The following FAM240B variants were observed in gnomAD, a reference collection of about 807,000 sequenced individuals.
FAM240B encodes the protein family with sequence similarity 240 member B.
At chr9:38,714,283 C>T (rs1821287047) in intron 1 of FAM240B, among the ~76,000 whole-genome samples, 1 of 152,020 alleles carries the variant, frequency 6.6e-6, no homozygotes, top group Admixed American at 6.6e-5. Context: ...ATGAGAACAC[C>T]ACAGTAATAA....
At chr9:38,715,578 G>A (rs1270161904) in intron 1 of FAM240B, among the ~76,000 whole-genome samples, 3 of 152,082 alleles carry the variant, frequency 2.0e-5, no homozygotes, top group Non-Finnish European at 4.4e-5. Flanking sequence ...ATTGCCCATG[G>A]GGCATGGTCC....
intron 1 of FAM240B, among the ~76,000 whole-genome samples, chr9:38,712,205 C>T (rs1821263733): frequency 6.6e-6 from 1 of 152,102 alleles, no homozygotes; most frequent in South Asian, 2.1e-4. Context: ...ATAACTCAGC[C>T]CTGTTATTCC....
chr9:38,713,000 A>C (rs933126168), intron 1 of FAM240B, among the ~76,000 whole-genome samples: 2 of 152,164 alleles, frequency 1.3e-5, no homozygotes, highest in Non-Finnish European at 2.9e-5. Flanking sequence ...TTATTCTAAG[A>C]TGCTCTGCAA....
intron 1 of FAM240B, among the ~76,000 whole-genome samples, chr9:38,713,505 A>AAT (rs71365909): frequency 6.6e-6 from 1 of 150,536 alleles, no homozygotes; most frequent in Non-Finnish European, 1.5e-5. Flanking sequence ...AAAAAAAAAA[A>AAT]GAACTAGATT....
intron 2 of FAM240B, among the ~76,000 whole-genome samples, chr9:38,698,928 G>A (rs935762907): frequency 6.6e-6 from 1 of 152,164 alleles, no homozygotes; most frequent in Non-Finnish European, 1.5e-5. Context: ...GGGGTTCTCA[G>A]TAAACCGGTG....
chr9:38,699,582 A>G (rs1821100982), intron 2 of FAM240B, among the ~76,000 whole-genome samples: 1 of 152,154 alleles, frequency 6.6e-6, no homozygotes, highest in Admixed American at 6.5e-5. Context: ...CCCACAGGGG[A>G]GCCATGTCAT....
At chr9:38,712,581 C>A (rs994544741) in intron 1 of FAM240B, among the ~76,000 whole-genome samples, 1 of 152,112 alleles carries the variant, frequency 6.6e-6, no homozygotes, top group Non-Finnish European at 1.5e-5. Flanking sequence ...AGCTCCAGAG[C>A]TAATGATGGG....
Position 38,694,878 on chromosome 9 carries a change from G to A in FAM240B, c.144-9C>T, listed in dbSNP as rs918928470. On this transcript the variant is annotated splice_polypyrimidine_tract_variant and intron_variant, in intron 2 of 2. Coordinates refer to ENST00000637493, the MANE Select transcript of FAM240B (RefSeq NM_001394922.1). ...TCCATTCTTCTCTGAGTCTGCGGAG[G>A]GGAAACCGTGCACATGCTCAGTGCA... is the stretch of plus-strand genomic sequence containing the variant. 2 of 398,582 alleles carry A rather than the reference G, an allele frequency of 5.0e-6. No individual in the cohort carries two copies. 24.7% of individuals were successfully genotyped at this position (398,582 alleles called of 1,614,324 possible).
chr9:38,715,916 G>A (rs1219920635), intron 1 of FAM240B, among the ~76,000 whole-genome samples: 1 of 152,080 alleles, frequency 6.6e-6, no homozygotes. Flanking sequence ...ACCCCTCCCC[G>A]GTTACTGTTA....
At chr9:38,716,388 C>T (rs1821303032) in intron 1 of FAM240B, among the ~76,000 whole-genome samples, 1 of 152,198 alleles carries the variant, frequency 6.6e-6, no homozygotes, top group Non-Finnish European at 1.5e-5. Context: ...AGGAGAATCG[C>T]TTGAACTGGG....
chr9:38,711,181 G>GC (rs1821251664), intron 1 of FAM240B, among the ~76,000 whole-genome samples: 1 of 152,198 alleles, frequency 6.6e-6, no homozygotes, highest in African/African-American at 2.4e-5. Flanking sequence ...TTCTGTCGAA[G>GC]TGCTCGCTGT....
intron 2 of FAM240B, among the ~76,000 whole-genome samples, chr9:38,698,355 C>T (rs1821089538): frequency 6.6e-6 from 1 of 152,176 alleles, no homozygotes; most frequent in Non-Finnish European, 1.5e-5. Context: ...GGTTGAATTG[C>T]AACCACCAGT....
chr9:38,694,592 G>T lies in FAM240B; in HGVS notation c.*184C>A. 1 of 392,386 alleles carries T rather than the reference G, an allele frequency of 2.5e-6. No individual in the cohort carries two copies. The highest frequency in any genetic ancestry group is 4.5e-6 in the Non-Finnish European group (1 of 222,676). 24.3% of individuals were successfully genotyped at this position (392,386 alleles called of 1,614,324 possible). A position where few individuals can be genotyped will look rare whatever the true frequency, so the allele number is the denominator to read the frequency against. ...GCGGTCATCCTGTCCTCTGTGCGGA[G>T]GGGATTGAGCAGGATAATAACTCCC... is the stretch of plus-strand genomic sequence containing the variant. On this transcript the variant is annotated 3_prime_UTR_variant, in exon 3 of 3. Coordinates refer to ENST00000637493, the MANE Select transcript of FAM240B (RefSeq NM_001394922.1).
rs544724250 is a variant in FAM240B, at chr9:38,702,654, G to A, written c.143+1203C>T. 7.2e-5 allele frequency among the ~76,000 whole-genome samples: 11 copies of A among 152,278 alleles called. No homozygotes were observed. The South Asian group carries it at 2.1e-3, about 29-fold the overall frequency. ...ACATATGACACGTCTTCCCACATAA[G>A]CAAAACTTCATCTCTCAGCAGACTC... is the stretch of plus-strand genomic sequence containing the variant. On this transcript the variant is annotated intron_variant, in intron 2 of 2. Transcript: ENST00000637493.
At chr9:38,718,723 T>G (rs1251598914) in intron 1 of FAM240B, among the ~76,000 whole-genome samples, 2 of 150,296 alleles carry the variant, frequency 1.3e-5, no homozygotes, top group African/African-American at 5.0e-5. Context: ...CTTATGCTAA[T>G]AGGACATATA....
At chr9:38,716,188 T>A (rs1364417482) in intron 1 of FAM240B, among the ~76,000 whole-genome samples, 1 of 152,206 alleles carries the variant, frequency 6.6e-6, no homozygotes, top group Non-Finnish European at 1.5e-5. Flanking sequence ...TATGGTGCCC[T>A]TGGCCCGGTG....
At position 38,708,067 on chromosome 9, in the gene FAM240B, C is replaced by T. The variant is rs1821211184; in HGVS notation, c.-3-4065G>A. Among the ~76,000 whole-genome samples, 4 of 152,038 alleles carry T rather than the reference C, an allele frequency of 2.6e-5. No homozygotes were observed. In the South Asian group the frequency reaches 8.3e-4, roughly 32 times the overall value. Reference sequence around the variant, plus strand: ...GTCTTGAAGGGCACGTGCTCTGCTTCAAGACATGCATTCCAAAAGGGTCCA... The same window carrying T: ...GTCTTGAAGGGCACGTGCTCTGCTTTAAGACATGCATTCCAAAAGGGTCCA... On this transcript the variant is annotated intron_variant, in intron 1 of 2. Transcript: ENST00000637493.
At chr9:38,707,125 T>A (rs1017416161) in intron 1 of FAM240B, among the ~76,000 whole-genome samples, 1 of 152,198 alleles carries the variant, frequency 6.6e-6, no homozygotes, top group Non-Finnish European at 1.5e-5. Context: ...TTTTTTTAAA[T>A]TACAAAATAC....
chr9:38,709,545 A>T (rs562983563), intron 1 of FAM240B, among the ~76,000 whole-genome samples: 1 of 152,284 alleles, frequency 6.6e-6, no homozygotes, highest in South Asian at 2.1e-4. Flanking sequence ...TGCCATATGC[A>T]TATGGTGGTG....
Sources: gnomAD v4.1 joint callset for allele counts (sites outside exome capture counted in the v4.1 genomes callset) on GRCh38, gnomAD v4.1.1 for gene constraint, MANE v1.5 for transcripts, NCBI Gene and HGNC (gene_info 2026-07-23, HGNC 2026-07-21) for gene names.